Variants in SHISA6 observed in about 807,000 individuals in gnomAD.
The protein encoded by SHISA6 is shisa family member 6, also known as protein shisa-6.
Under a neutral mutation model 47.9 loss-of-function variants are expected in SHISA6, and 22 were observed. The observed-to-expected ratio is 0.46, with a 90% CI of 0.33 to 0.66. The LOEUF (loss-of-function observed/expected upper bound fraction) is 0.66. Ranked by LOEUF, SHISA6 falls within the 30% of genes least tolerant of loss-of-function variation. SHISA6 has a pLI of 0.02. For synonymous variants in SHISA6, 388 were observed against 337.8 expected (o/e 1.15, Z -1.63); for missense variants, 680 against 764.6 (o/e 0.89, Z 1.30).
chr17:11,339,011 T>G (rs205063), intron 2 of SHISA6, among the ~76,000 whole-genome samples: 150,709 of 151,930 alleles, frequency 0.99, 74,759 homozygotes, highest in East Asian at 1. Context: ...ACAAGGAGTG[T>G]TCTATGTGCC....
At chr17:11,360,803 A>G (rs1912245807) in intron 2 of SHISA6, among the ~76,000 whole-genome samples, 1 of 151,574 alleles carries the variant, frequency 6.6e-6, no homozygotes, top group Admixed American at 6.6e-5. Context: ...AAAATTAAAA[A>G]AAAAAAAAAA....
intron 3 of SHISA6, among the ~76,000 whole-genome samples, chr17:11,483,422 C>T (rs1052888543): frequency 1.3e-5 from 2 of 152,046 alleles, no homozygotes; most frequent in African/African-American, 2.4e-5. Context: ...AAAACACAGA[C>T]TTTCACAGTG....
At chr17:11,406,265 A>G (rs1597497205) in intron 3 of SHISA6, among the ~76,000 whole-genome samples, 1 of 152,200 alleles carries the variant, frequency 6.6e-6, no homozygotes, top group South Asian at 2.1e-4. Flanking sequence ...TTGTCATTTT[A>G]TACTCCCTGG....
intron 3 of SHISA6, among the ~76,000 whole-genome samples, chr17:11,532,062 T>G (rs1254120948): frequency 6.6e-6 from 1 of 152,106 alleles, no homozygotes; most frequent in Non-Finnish European, 1.5e-5. Flanking sequence ...AGAAATTCAG[T>G]CAGAAGTCAG....
chr17:11,506,004 T>C (rs952804401), intron 3 of SHISA6, among the ~76,000 whole-genome samples: 4 of 152,150 alleles, frequency 2.6e-5, no homozygotes, highest in African/African-American at 9.7e-5. Context: ...GAAGAGAGTT[T>C]GGTTCTTAAT....
chr17:11,264,296 C>T (rs1050781358), intron 2 of SHISA6, among the ~76,000 whole-genome samples: 1 of 152,148 alleles, frequency 6.6e-6, no homozygotes. Context: ...TTCTCCACAG[C>T]AATCTTAGAA....
chr17:11,338,048 G>T (rs995937636), intron 2 of SHISA6, among the ~76,000 whole-genome samples: 3 of 152,146 alleles, frequency 2.0e-5, no homozygotes, highest in Non-Finnish European at 4.4e-5. Flanking sequence ...AGTGATTGAG[G>T]CCTGGAACCA....
intron 2 of SHISA6, among the ~76,000 whole-genome samples, chr17:11,266,453 C>T (rs771886259): frequency 1.3e-5 from 2 of 152,208 alleles, no homozygotes; most frequent in African/African-American, 2.4e-5. Context: ...TTGAGAAGCA[C>T]TGGGAAAGCT....
intron 2 of SHISA6, among the ~76,000 whole-genome samples, chr17:11,372,529 T>C (rs1296474950): frequency 6.6e-6 from 1 of 152,224 alleles, no homozygotes; most frequent in Non-Finnish European, 1.5e-5. Flanking sequence ...AAACATTTTC[T>C]TTCCGTGTGT....
At chr17:11,344,104 T>C (rs941850997) in intron 2 of SHISA6, among the ~76,000 whole-genome samples, 24 of 152,216 alleles carry the variant, frequency 1.6e-4, no homozygotes, top group African/African-American at 5.3e-4. Flanking sequence ...TTCACATGCT[T>C]ATTTGTCCAT....
At chr17:11,490,623 G>A (rs192842070) in intron 3 of SHISA6, among the ~76,000 whole-genome samples, 17 of 152,308 alleles carry the variant, frequency 1.1e-4, no homozygotes, top group Admixed American at 8.5e-4. Context: ...AGTGCAGCCG[G>A]TGGTGACTTC....
At chr17:11,423,025 C>T (rs1229702955) in intron 3 of SHISA6, among the ~76,000 whole-genome samples, 1 of 151,464 alleles carries the variant, frequency 6.6e-6, no homozygotes, top group East Asian at 1.9e-4. Flanking sequence ...GAATTAAAAC[C>T]AGACCAGTAA....
At chr17:11,350,182 A>ATTTTTTTTTTTTAT in intron 2 of SHISA6, among the ~76,000 whole-genome samples, 1 of 116,270 alleles carries the variant, frequency 8.6e-6, no homozygotes, top group East Asian at 2.7e-4. Context: ...TTATTTATTT[A>ATTTTTTTTTTTTAT]TTTTTTTTTT....
chr17:11,443,059 GCT>G, intron 3 of SHISA6, among the ~76,000 whole-genome samples: 2 of 152,326 alleles, frequency 1.3e-5, no homozygotes, highest in Middle Eastern at 3.4e-3. Context: ...GCTGTCTGCT[GCT>G]CTCTCTCCCC....
In SHISA6 at chr17:11,453,013, C is replaced by T. The variant is rs563171452; in HGVS notation, c.895+73504C>T. ...TCTCCCCTTTTCCCCACCCTCAATC[C>T]GGATCCAGGTCTTTGGAAACATTCC... is the stretch of plus-strand genomic sequence containing the variant. On this transcript the variant is annotated intron_variant, in intron 3 of 5. Transcript: ENST00000441885. Among the ~76,000 whole-genome samples, 34 of 151,570 alleles carry T rather than the reference C, an allele frequency of 2.2e-4. No individual in the cohort carries two copies. The South Asian group carries it at 3.1e-3, about 14-fold the overall frequency.
At chr17:11,428,797 TTTTTTG>T (rs1914669321) in intron 3 of SHISA6, among the ~76,000 whole-genome samples, 1 of 148,800 alleles carries the variant, frequency 6.7e-6, no homozygotes, top group African/African-American at 2.5e-5. Context: ...TTTTTTTTTT[TTTTTTG>T]AGACAGAGTT....
At chr17:11,386,513 G>A (rs866442355) in intron 3 of SHISA6, among the ~76,000 whole-genome samples, 3 of 152,230 alleles carry the variant, frequency 2.0e-5, no homozygotes, top group Non-Finnish European at 2.9e-5. Context: ...GCAGTAGTCA[G>A]CCAGAAGGGA....
intron 3 of SHISA6, among the ~76,000 whole-genome samples, chr17:11,464,671 G>A (rs185235165): frequency 8.5e-5 from 13 of 152,274 alleles, no homozygotes; most frequent in Admixed American, 5.2e-4. Flanking sequence ...GGCCGGGCAC[G>A]GTGGCTCACG....
chr17:11,375,791 C>T lies in SHISA6; in HGVS notation c.800-3623C>T, dbSNP rs117503535. ...CGGGAGGTCGAGGCAGCCTGAGCAG[C>T]GACTGAGCTAAAATAAAATCTTTGT... On this transcript the variant is annotated intron_variant, in intron 2 of 5. Transcript: ENST00000441885. Among the ~76,000 whole-genome samples the T allele has an allele frequency of 4.1e-3, 626 of 152,204 alleles. 2 individuals are homozygous for T. The highest frequency in any genetic ancestry group is 6.4e-3 in the Non-Finnish European group (438 of 68,016).
Sources: allele counts gnomAD v4.1 joint callset (sites outside exome capture counted in the v4.1 genomes callset), GRCh38; gene constraint gnomAD v4.1.1; transcripts MANE v1.5; gene names NCBI Gene and HGNC (gene_info 2026-07-23, HGNC 2026-07-21).